The following GPC5 variants were observed in gnomAD, a reference collection of about 807,000 sequenced individuals.
GPC5 encodes the protein glypican 5.
Under a neutral mutation model 53.9 loss-of-function variants are expected in GPC5, and 47 were observed. That is an observed-to-expected ratio of 0.87 (90% CI 0.69 to 1.11). GPC5 has a LOEUF of 1.11. Ranked by LOEUF, GPC5 falls within the 50% of genes most tolerant of loss-of-function variation. The probability of loss-of-function intolerance (pLI) is 0.00; values close to 1 mark genes in which losing one functional copy is unlikely to be tolerated. For synonymous variants in GPC5, 286 were observed against 263.3 expected (o/e 1.09, Z -0.84); for missense variants, 748 against 713.1 (o/e 1.05, Z -0.56).
chr13:91,715,857 T>C (rs1000485136), intron 3 of GPC5, among the ~76,000 whole-genome samples: 1 of 151,964 alleles, frequency 6.6e-6, no homozygotes, highest in African/African-American at 2.4e-5. Flanking sequence ...CACTGTAGTT[T>C]CTAACTTCTA....
chr13:92,192,218 C>A (rs2042227447), intron 7 of GPC5, among the ~76,000 whole-genome samples: 1 of 152,036 alleles, frequency 6.6e-6, no homozygotes, highest in Non-Finnish European at 1.5e-5. Flanking sequence ...AGAGCAAACC[C>A]TAATGTCAAT....
chr13:92,801,327 G>T (rs1391505068), intron 7 of GPC5, among the ~76,000 whole-genome samples: 1 of 151,224 alleles, frequency 6.6e-6, no homozygotes, highest in East Asian at 1.9e-4. Context: ...AATTCCTATT[G>T]CCTGGTGGCA....
At chr13:91,698,184 C>CA (rs1380359043) in intron 3 of GPC5, among the ~76,000 whole-genome samples, 2 of 151,544 alleles carry the variant, frequency 1.3e-5, no homozygotes, top group African/African-American at 4.8e-5. Flanking sequence ...TAATTTTCAA[C>CA]AAAAAAAGTC....
chr13:92,667,356 A>C (rs1475304123), intron 7 of GPC5, among the ~76,000 whole-genome samples: 1 of 152,146 alleles, frequency 6.6e-6, no homozygotes. Context: ...AACAATGGAA[A>C]AGAGGCCACA....
intron 7 of GPC5, chr13:92,721,642 T>C (rs1888511496): frequency 1.3e-5 from 2 of 152,050 alleles, no homozygotes; most frequent in South Asian, 4.1e-4. Context: ...AGAAAGGAAC[T>C]AACTTTTGTG....
intron 6 of GPC5, among the ~76,000 whole-genome samples, chr13:91,933,343 A>C (rs1365617250): frequency 2.0e-5 from 3 of 151,750 alleles, no homozygotes; most frequent in African/African-American, 7.3e-5. Flanking sequence ...CTTTGGAAAA[A>C]CCCAAATCAT....
intron 6 of GPC5, among the ~76,000 whole-genome samples, chr13:91,954,720 A>G (rs916699417): frequency 3.3e-5 from 5 of 152,098 alleles, no homozygotes; most frequent in Non-Finnish European, 4.4e-5. Flanking sequence ...ATTCTGTTCC[A>G]TAATTACTGT....
chr13:91,861,697 C>T (rs2039030201), intron 5 of GPC5, among the ~76,000 whole-genome samples: 1 of 99,326 alleles, frequency 1.0e-5, no homozygotes, highest in South Asian at 5.6e-4. Context: ...TAATTTAGTT[C>T]ATAAATATGT....
intron 7 of GPC5, among the ~76,000 whole-genome samples, chr13:92,494,779 C>T (rs1038032860): frequency 1.3e-5 from 2 of 152,078 alleles, no homozygotes; most frequent in Admixed American, 1.3e-4. Flanking sequence ...GCGCATTTAC[C>T]AAGAAGTCTT....
At chr13:92,258,816 A>C (rs1358439782) in intron 7 of GPC5, among the ~76,000 whole-genome samples, 1 of 152,142 alleles carries the variant, frequency 6.6e-6, no homozygotes, top group Non-Finnish European at 1.5e-5. Flanking sequence ...ATGGAAATGC[A>C]CCTGTAGTCC....
intron 5 of GPC5, among the ~76,000 whole-genome samples, chr13:91,883,704 G>A (rs1329771923): frequency 6.6e-6 from 1 of 152,188 alleles, no homozygotes; most frequent in Non-Finnish European, 1.5e-5. Flanking sequence ...ATTATGGAAC[G>A]AGGGCCTTGT....
At chr13:91,973,409 T>A (rs1392564138) in intron 6 of GPC5, among the ~76,000 whole-genome samples, 1 of 152,208 alleles carries the variant, frequency 6.6e-6, no homozygotes, top group Non-Finnish European at 1.5e-5. Context: ...GCCATTGGTT[T>A]GAATTTCCTC....
At chr13:91,697,146 T>C (rs2035895085) in intron 3 of GPC5, among the ~76,000 whole-genome samples, 1 of 152,160 alleles carries the variant, frequency 6.6e-6, no homozygotes, top group South Asian at 2.1e-4. Context: ...TATCTGAATT[T>C]TTTTTCTTTT....
At chr13:91,953,810 T>G (rs2040048897) in intron 6 of GPC5, among the ~76,000 whole-genome samples, 1 of 152,200 alleles carries the variant, frequency 6.6e-6, no homozygotes, top group Non-Finnish European at 1.5e-5. Flanking sequence ...ACCTCTTTCA[T>G]AAGGGCACTA....
At chr13:92,763,069 C>T (rs1360052461) in intron 7 of GPC5, among the ~76,000 whole-genome samples, 1 of 151,990 alleles carries the variant, frequency 6.6e-6, no homozygotes, top group African/African-American at 2.4e-5. Context: ...GAGTTTCTTA[C>T]AAATTATTTT....
intron 6 of GPC5, among the ~76,000 whole-genome samples, chr13:92,040,741 A>C (rs2040935304): frequency 6.6e-6 from 1 of 152,212 alleles, no homozygotes; most frequent in South Asian, 2.1e-4. Context: ...TATCAAACGT[A>C]TGTATAGCTC....
At chr13:92,771,661 G>A (rs1052050962) in intron 7 of GPC5, among the ~76,000 whole-genome samples, 1 of 152,014 alleles carries the variant, frequency 6.6e-6, no homozygotes, top group African/African-American at 2.4e-5. Flanking sequence ...GTTTTTCTAA[G>A]GAGTTAATTA....
At chr13:91,618,430 C>T (rs9589309) in intron 2 of GPC5, among the ~76,000 whole-genome samples, 4,747 of 152,086 alleles carry the variant, frequency 0.031, 212 homozygotes, top group African/African-American at 0.1. Context: ...ATTGGTGTTA[C>T]ATAATATTCA....
At chr13:92,836,604 T>C (rs1418437659) in intron 7 of GPC5, among the ~76,000 whole-genome samples, 3 of 152,128 alleles carry the variant, frequency 2.0e-5, no homozygotes, top group Admixed American at 1.3e-4. Context: ...TGGTTTTTTG[T>C]GTGCTTTCTC....
Sources: allele counts gnomAD v4.1 joint callset (sites outside exome capture counted in the v4.1 genomes callset), GRCh38; gene constraint gnomAD v4.1.1; transcripts MANE v1.5; gene names NCBI Gene and HGNC (gene_info 2026-07-23, HGNC 2026-07-21).